Variants in NUP205 observed in about 807,000 individuals in gnomAD.
NUP205 encodes the protein nuclear pore complex protein Nup205.
In NUP205, 76 loss-of-function variants were observed where a neutral mutation model predicts 253.8. The observed-to-expected ratio is 0.30, with a 90% CI of 0.25 to 0.36. NUP205 has a LOEUF of 0.36. Ranked by LOEUF, NUP205 falls within the 10% of genes least tolerant of loss-of-function variation. NUP205 has a pLI of 1.00. For synonymous variants in NUP205, 832 were observed against 850.1 expected (o/e 0.98, Z 0.37); for missense variants, 2,162 against 2,425.5 (o/e 0.89, Z 2.28).
At position 135,619,408 on chromosome 7, in the gene NUP205, C is replaced by T. The variant is rs772412838; in HGVS notation, c.3964-15C>T. On this transcript the variant is annotated splice_polypyrimidine_tract_variant and intron_variant, in intron 28 of 42. Coordinates refer to ENST00000285968, the MANE Select transcript of NUP205 (RefSeq NM_015135.3). The stretch of plus-strand genomic sequence containing the variant: ...AAAGCAGGATTCTCACTCTAATTTG[C>T]CCTTGTCCTTTAAGATACTGGATGA... 3.1e-6 allele frequency: 5 copies of T among 1,608,222 alleles called. No homozygotes were observed. In the South Asian group the frequency reaches 3.3e-5, roughly 11 times the overall value.
Position 135,571,078 on chromosome 7 carries a change from G to A in NUP205, c.29-27G>A, listed in dbSNP as rs115498909. On this transcript the variant is annotated intron_variant, in intron 1 of 42. Coordinates refer to ENST00000285968, the MANE Select transcript of NUP205 (RefSeq NM_015135.3). Reference sequence around the variant, plus strand: ...TTTTCAAGTGTATGTTTTCTTTGACGGTGGTTTCATTTATTTTTTCTTTAA... The same window carrying A: ...TTTTCAAGTGTATGTTTTCTTTGACAGTGGTTTCATTTATTTTTTCTTTAA... 0.018 allele frequency: 26,924 copies of A among 1,522,034 alleles called. 474 individuals are homozygous for A. The highest frequency in any genetic ancestry group is 0.066 in the South Asian group (5,267 of 79,572). The allele number at this position is 1,522,034 out of a possible 1,614,324, so 94.3% of individuals were successfully genotyped here.
chr7:135,561,376 C>A (rs1208035788), intron 1 of NUP205, among the ~76,000 whole-genome samples: 1 of 151,992 alleles, frequency 6.6e-6, no homozygotes, highest in African/African-American at 2.4e-5. Context: ...AACAAAAAAA[C>A]CTATGCTTGT....
chr7:135,584,980 A>C lies in NUP205; in HGVS notation c.1191A>C (p.Thr397=). ...FYIRRVHNLI[T]DFLALMPMKV... ...TTCGCAGAGTCCATAATCTCATCACAGATTTCCTTGCACTTATGCCAATGA... is the reference window on the plus strand; with the variant it reads ...TTCGCAGAGTCCATAATCTCATCACCGATTTCCTTGCACTTATGCCAATGA... The change falls in exon 8 of 43, where the codon ACA becomes ACC. Residue 397 remains threonine (T), a synonymous_variant. Transcript: ENST00000285968. 6.2e-7 allele frequency: 1 copy of C among 1,613,336 alleles called. No individual in the cohort carries two copies. Among genetic ancestry groups the C allele is most frequent in the Non-Finnish European group, 8.5e-7 (1 of 1,179,354 alleles).
At chr7:135,604,319 A>G (rs994923324) in intron 18 of NUP205, 21 bp from the exon 19 acceptor site, 3 of 1,578,320 alleles carry the variant, frequency 1.9e-6, no homozygotes, top group African/African-American at 1.4e-5. Flanking sequence ...CTGTTCCTCA[A>G]ATGTTTTCTT....
chr7:135,626,704 T>TTA (rs534596590), intron 33 of NUP205, among the ~76,000 whole-genome samples: 57 of 152,310 alleles, frequency 3.7e-4, no homozygotes, highest in African/African-American at 1.3e-3. Context: ...GAATTTCAGA[T>TTA]TATATATATA....
At chr7:135,637,417 AT>A (rs1794830037) in intron 36 of NUP205, among the ~76,000 whole-genome samples, 1 of 152,262 alleles carries the variant, frequency 6.6e-6, no homozygotes, top group African/African-American at 2.4e-5. Flanking sequence ...AAGTATTAAC[AT>A]TTGAAACTGG....
intron 1 of NUP205, among the ~76,000 whole-genome samples, chr7:135,564,517 G>A (rs1805692007): frequency 7.0e-6 from 1 of 143,734 alleles, no homozygotes; most frequent in Non-Finnish European, 1.5e-5. Context: ...CCAAAGTGCT[G>A]GATTACAGGC....
At chr7:135,628,663 AAATT>A (rs1358777286) in intron 34 of NUP205, among the ~76,000 whole-genome samples, 1 of 152,230 alleles carries the variant, frequency 6.6e-6, no homozygotes, top group Non-Finnish European at 1.5e-5. Flanking sequence ...ATTTTTTTAA[AAATT>A]AATATTATAT....
intron 2 of NUP205, among the ~76,000 whole-genome samples, chr7:135,571,514 A>G (rs1004589662): frequency 6.6e-6 from 1 of 151,760 alleles, no homozygotes. Context: ...TGCTGGGATT[A>G]CAGACGTGAG....
intron 7 of NUP205, 127 bp downstream of exon 7, chr7:135,579,042 A>G: frequency 1.5e-6 from 1 of 648,752 alleles, no homozygotes; most frequent in East Asian, 3.1e-5. Flanking sequence ...GTTGTATTAA[A>G]TGAAACCTTT....
At position 135,578,833 on chromosome 7, in the gene NUP205, G is replaced by A; in HGVS notation, c.960G>A (p.Trp320Ter). ...CTCGTCTTCAGGACTCACAGCTTTG[G>A]AAACTGCCTGGGCTCCAAGCCACTG... ...IHSRLQDSQL[W>*]KLPGLQATVR... The change falls in exon 7 of 43, where the codon TGG becomes TGA. Residue 320 changes from tryptophan (W) to a stop codon, truncating the protein, a stop_gained. Transcript: ENST00000285968. LOFTEE classifies it high-confidence loss of function. 6.2e-7 allele frequency: 1 copy of A among 1,612,250 alleles called. No homozygotes were observed. Among genetic ancestry groups the A allele is most frequent in the Non-Finnish European group, 8.5e-7 (1 of 1,179,382 alleles).
rs753476760 is a variant in NUP205 at position 135,593,195 on chromosome 7, A to G, written c.1830+3A>G. The G allele has an allele frequency of 1.2e-6, 2 of 1,612,920 alleles. No individual in the cohort carries two copies. The highest frequency in any genetic ancestry group is 8.5e-7 in the Non-Finnish European group (1 of 1,178,966). On this transcript the variant is annotated splice_donor_region_variant and intron_variant, in intron 12 of 42. Coordinates refer to ENST00000285968, the MANE Select transcript of NUP205 (RefSeq NM_015135.3). ...TCACGTCTACCATCATTACTTGGGT[A>G]GGTAACTCATCCCCAGCATAATTTT...
At chr7:135,576,844 T>C (rs1806165102) in intron 4 of NUP205, 125 bp from the exon 5 acceptor site, 7 of 847,182 alleles carry the variant, frequency 8.3e-6, no homozygotes, top group African/African-American at 1.7e-5. Context: ...ATCACGCCAC[T>C]GCACTCCAGC....
chr7:135,584,157 G>A (rs1407916010), intron 7 of NUP205, among the ~76,000 whole-genome samples: 1 of 152,090 alleles, frequency 6.6e-6, no homozygotes, highest in Non-Finnish European at 1.5e-5. Flanking sequence ...ATACTTACTG[G>A]TAAAATGTTA....
intron 28 of NUP205, 80 bp from the exon 29 acceptor site, chr7:135,619,342 CA>C (rs879113929): frequency 0.053 from 50,449 of 955,916 alleles, no homozygotes; most frequent in South Asian, 0.088. Flanking sequence ...ACCCTGTCTT[CA>C]AAAAAAAAAA....
intron 35 of NUP205, among the ~76,000 whole-genome samples, chr7:135,633,016 A>C (rs147554821): frequency 1.3e-5 from 2 of 152,158 alleles, no homozygotes; most frequent in African/African-American, 4.8e-5. Flanking sequence ...CCCAGGCTGG[A>C]GTGCAAAGCT....
intron 38 of NUP205, among the ~76,000 whole-genome samples, chr7:135,639,304 ATCT>A (rs1794874838): frequency 6.6e-6 from 1 of 152,190 alleles, no homozygotes; most frequent in Non-Finnish European, 1.5e-5. Context: ...TCACATTTTC[ATCT>A]TCTTCAAGAT....
rs1044634723 is a variant in NUP205, at chr7:135,625,280, T to C, written c.4596T>C (p.Asp1532=). 3.7e-6 allele frequency: 6 copies of C among 1,614,218 alleles called. No individual in the cohort carries two copies. Among genetic ancestry groups the C allele is most frequent in the Non-Finnish European group, 5.1e-6 (6 of 1,180,038 alleles). ...TCCTCGTAGACAGCTTGGTAGAAGA[T>C]GACCGTACTTTGCAGAGCTTACTCA... ...LKVLVDSLVE[D]DRTLQSLLTP... is the part of the protein sequence containing the mutation. Residue 1532 remains aspartate (D), a synonymous_variant, in exon 32 of 43, where the codon GAT becomes GAC. Coordinates refer to ENST00000285968, the MANE Select transcript of NUP205 (RefSeq NM_015135.3).
At position 135,568,095 on chromosome 7, in the gene NUP205, C is replaced by T. The variant is rs1006635729; in HGVS notation, c.29-3010C>T. Among the ~76,000 whole-genome samples, 17 of 151,916 alleles carry T rather than the reference C, an allele frequency of 1.1e-4. 1 individual carries two copies. Among genetic ancestry groups the T allele is most frequent in the African/African-American group, 3.6e-4 (15 of 41,492 alleles). ...CAAAAATTAGACGGGCGTGGTGGCA[C>T]GCCTGTAATCCCAGCTACTCAGGAA... On this transcript the variant is annotated intron_variant, in intron 1 of 42. Coordinates refer to ENST00000285968, the MANE Select transcript of NUP205 (RefSeq NM_015135.3).
Sources: gnomAD v4.1 joint callset for allele counts (sites outside exome capture counted in the v4.1 genomes callset) on GRCh38, gnomAD v4.1.1 for gene constraint, MANE v1.5 for transcripts, NCBI Gene and HGNC (gene_info 2026-07-23, HGNC 2026-07-21) for gene names.